Variants in ZMYND8 observed in about 807,000 individuals in gnomAD.
ZMYND8 encodes zinc finger MYND-type containing 8.
In ZMYND8, 37 loss-of-function variants were observed where a neutral mutation model predicts 140.8. The ratio of observed to expected loss-of-function variants is 0.26; its 90% confidence interval spans 0.20 to 0.35. The LOEUF is 0.35. Ranked by LOEUF, ZMYND8 falls within the 10% of genes least tolerant of loss-of-function variation. ZMYND8 has a pLI of 1.00. For synonymous variants in ZMYND8, 592 were observed against 597.1 expected (o/e 0.99, Z 0.12); for missense variants, 1,068 against 1,570.0 (o/e 0.68, Z 5.40).
At chr20:47,306,458 G>T (rs180789344) in intron 3 of ZMYND8, among the ~76,000 whole-genome samples, 1 of 151,752 alleles carries the variant, frequency 6.6e-6, no homozygotes, top group African/African-American at 2.4e-5. Context: ...TCCCTAAAAT[G>T]AATTCCTAAT....
intron 3 of ZMYND8, among the ~76,000 whole-genome samples, chr20:47,308,257 C>T (rs1218311311): frequency 4.3e-5 from 6 of 138,870 alleles, no homozygotes; most frequent in Non-Finnish European, 9.1e-5. Context: ...CTTGCTCTGT[C>T]GCCCAGGCTG....
chr20:47,342,592 TC>T (rs1163783579), intron 2 of ZMYND8, among the ~76,000 whole-genome samples: 1 of 147,320 alleles, frequency 6.8e-6, no homozygotes, highest in Non-Finnish European at 1.5e-5. Flanking sequence ...ATGCCTGTAA[TC>T]CCAGCACTTT....
At chr20:47,273,962 T>C (rs940565138) in intron 11 of ZMYND8, among the ~76,000 whole-genome samples, 1 of 152,212 alleles carries the variant, frequency 6.6e-6, no homozygotes, top group African/African-American at 2.4e-5. Context: ...ATTAGTAAAA[T>C]GACCTAAGCA....
intron 13 of ZMYND8, among the ~76,000 whole-genome samples, chr20:47,247,085 C>A (rs920622262): frequency 2.0e-5 from 3 of 152,230 alleles, no homozygotes; most frequent in Non-Finnish European, 4.4e-5. Flanking sequence ...AGCCCACAAG[C>A]CACATCTAGC....
At chr20:47,341,533 A>G (rs2081887036) in intron 2 of ZMYND8, among the ~76,000 whole-genome samples, 1 of 151,204 alleles carries the variant, frequency 6.6e-6, no homozygotes, top group Non-Finnish European at 1.5e-5. Flanking sequence ...TCTCAAAAAA[A>G]AAAAAAAAAA....
At chr20:47,304,897 C>T (rs1234093156) in intron 3 of ZMYND8, among the ~76,000 whole-genome samples, 1 of 152,128 alleles carries the variant, frequency 6.6e-6, no homozygotes, top group African/African-American at 2.4e-5. Context: ...CTGGCAATCC[C>T]TGCACTCCCC....
chr20:47,233,741 T>G (rs533289309), intron 16 of ZMYND8, among the ~76,000 whole-genome samples: 31 of 152,276 alleles, frequency 2.0e-4, no homozygotes, highest in African/African-American at 7.2e-4. Context: ...ATCTATAAAA[T>G]TGGGGTGATA....
At chr20:47,219,080 G>GA (rs2036558685) in intron 21 of ZMYND8, among the ~76,000 whole-genome samples, 1 of 70,352 alleles carries the variant, frequency 1.4e-5, no homozygotes, top group Non-Finnish European at 3.6e-5. Context: ...TTTTTTGAGA[G>GA]AGAGTCTCGC....
At chr20:47,333,717 T>C (rs2081145103) in intron 2 of ZMYND8, among the ~76,000 whole-genome samples, 1 of 88,122 alleles carries the variant, frequency 1.1e-5, no homozygotes, top group Non-Finnish European at 2.0e-5. Flanking sequence ...AGAGCGAGAC[T>C]CCGTCTCAAA....
intron 1 of ZMYND8, among the ~76,000 whole-genome samples, chr20:47,356,103 C>T (rs992120078): frequency 4.6e-5 from 7 of 152,076 alleles, no homozygotes; most frequent in Admixed American, 1.3e-4. Context: ...TTTGCAAACA[C>T]GCTCCTCTCT....
intron 2 of ZMYND8, chr20:47,319,666 T>G (rs1208466123): frequency 6.5e-6 from 1 of 153,314 alleles, no homozygotes; most frequent in Middle Eastern, 3.2e-3. Context: ...GATTTACAAT[T>G]GAATTCAGTG....
chr20:47,252,785 G>A (rs899069965), intron 12 of ZMYND8, among the ~76,000 whole-genome samples: 2 of 152,142 alleles, frequency 1.3e-5, no homozygotes, highest in Non-Finnish European at 2.9e-5. Context: ...CAGGCATGGT[G>A]GCACACGCCT....
At chr20:47,335,136 A>ACT (rs1213891627) in intron 2 of ZMYND8, among the ~76,000 whole-genome samples, 1 of 151,812 alleles carries the variant, frequency 6.6e-6, no homozygotes, top group Non-Finnish European at 1.5e-5. Context: ...AGTCCCAGCT[A>ACT]CTCGGGAGGC....
intron 21 of ZMYND8, among the ~76,000 whole-genome samples, chr20:47,219,380 G>A (rs2036606167): frequency 6.6e-6 from 1 of 151,742 alleles, no homozygotes; most frequent in East Asian, 2.0e-4. Context: ...TAAAAAATTA[G>A]CCAGGCATGG....
At chr20:47,265,632 G>A (rs6018374) in intron 11 of ZMYND8, among the ~76,000 whole-genome samples, 2,658 of 152,226 alleles carry the variant, frequency 0.017, 57 homozygotes, top group African/African-American at 0.06. Context: ...TAGTAGAGAC[G>A]GGGTTTTGCC....
At chr20:47,215,173 G>C (rs1448748290) in intron 21 of ZMYND8, among the ~76,000 whole-genome samples, 4 of 152,194 alleles carry the variant, frequency 2.6e-5, no homozygotes, top group African/African-American at 9.6e-5. Flanking sequence ...AGGAGTTCGA[G>C]ACCAACCTGG....
At chr20:47,236,175 CGTGG>C in intron 16 of ZMYND8, 147 bp downstream of exon 16, 1 of 838,498 alleles carries the variant, frequency 1.2e-6, no homozygotes, top group Middle Eastern at 3.7e-4. Context: ...AATTAAAGAA[CGTGG>C]TCTTGGAGAT....
At chr20:47,290,888 G>A (rs746496003) in intron 6 of ZMYND8, among the ~76,000 whole-genome samples, 2 of 151,992 alleles carry the variant, frequency 1.3e-5, no homozygotes, top group African/African-American at 2.4e-5. Flanking sequence ...ACCGCGCCCG[G>A]CCAAACAGGG....
chr20:47,215,337 C>T (rs2035924001), intron 21 of ZMYND8, among the ~76,000 whole-genome samples: 1 of 152,084 alleles, frequency 6.6e-6, no homozygotes, highest in Non-Finnish European at 1.5e-5. Flanking sequence ...TGCACCACTG[C>T]ACTCCAGCCT....
Sources: gnomAD v4.1 joint callset for allele counts (sites outside exome capture counted in the v4.1 genomes callset) on GRCh38, gnomAD v4.1.1 for gene constraint, MANE v1.5 for transcripts, NCBI Gene and HGNC (gene_info 2026-07-23, HGNC 2026-07-21) for gene names.